The following TEX264 variants were observed in gnomAD, a reference collection of about 807,000 sequenced individuals.
TEX264 encodes the protein testis expressed 264, ER-phagy receptor.
A neutral mutation model predicts 23.4 loss-of-function variants in TEX264; 13 were observed. The ratio of observed to expected loss-of-function variants is 0.56; its 90% CI spans 0.36 to 0.88. The LOEUF is 0.88. TEX264 is among the 40% of genes least tolerant of loss of function. The pLI, the probability that TEX264 is intolerant of heterozygous loss-of-function variation, is 0.01. For missense variants in TEX264, 340 were observed against 406.8 expected, an observed-to-expected ratio of 0.84 and a Z score of 1.41; for synonymous variants, 159 against 170.0, an observed-to-expected ratio of 0.94 and a Z score of 0.50.
chr3:51,682,845 T>C (rs894209855), intron 2 of TEX264: 6 of 152,080 alleles, frequency 3.9e-5, no homozygotes, highest in African/African-American at 1.4e-4. Context: ...CTGCAGACAG[T>C]TGAGGGTGAC....
chr3:51,699,768 C>T (rs1703217503), intron 4 of TEX264, among the ~76,000 whole-genome samples, 194 bp downstream of exon 4: 1 of 152,072 alleles, frequency 6.6e-6, no homozygotes, highest in South Asian at 2.1e-4. Context: ...ACACATGGAT[C>T]TACATAGATG....
chr3:51,682,988 A>G (rs975543322), intron 2 of TEX264: 4 of 152,424 alleles, frequency 2.6e-5, no homozygotes, highest in Non-Finnish European at 5.9e-5. Flanking sequence ...AGGGGATTTC[A>G]GAGAGGGCTT....
At position 51,674,322 on chromosome 3, in the gene TEX264, A is replaced by G. The variant is rs776386397; in HGVS notation, c.18A>G (p.Leu6=). MSDLL[L]LGLIGGLTLL... ...CCAGAGCCATGTCGGACCTGCTACT[A>G]CTGGGCCTGATTGGGGGCCTGACTC... The change falls in exon 2 of 5, where the codon CTA becomes CTG. Residue 6 remains leucine, a synonymous_variant. Transcript: ENST00000341333. 1.5e-5 allele frequency: 24 copies of G among 1,613,964 alleles called. No homozygotes were observed. The highest frequency in any genetic ancestry group is 1.0e-4 in the Admixed American group (6 of 59,998).
chr3:51,684,669 C>G, intron 3 of TEX264, 35 bp downstream of exon 3: 1 of 1,603,578 alleles, frequency 6.2e-7, no homozygotes, highest in South Asian at 1.1e-5. Context: ...GTGTTGGGGA[C>G]AGCCAGGCCC....
chr3:51,694,063 T>TC (rs1559680731), intron 3 of TEX264, among the ~76,000 whole-genome samples: 22 of 110,864 alleles, frequency 2.0e-4, no homozygotes, highest in Non-Finnish European at 2.4e-4. Flanking sequence ...TCCCTTCCCT[T>TC]CCCTTCCCCT....
chr3:51,684,410 C>T lies in TEX264; in HGVS notation c.259-3C>T. 6.2e-7 allele frequency: 1 copy of T among 1,613,604 alleles called. No individual in the cohort carries two copies. Among genetic ancestry groups the T allele is most frequent in the Non-Finnish European group, 8.5e-7 (1 of 1,179,540 alleles). On this transcript the variant is annotated splice_region_variant and splice_polypyrimidine_tract_variant and intron_variant, in intron 2 of 4. Coordinates refer to ENST00000341333, the MANE Select transcript of TEX264 (RefSeq NM_015926.6). ...CTCTCACACCCATGCTTTGCTTCCCCAGGTGCCCCCTGATAAGTGCCGATG... is the reference window on the plus strand; with the variant it reads ...CTCTCACACCCATGCTTTGCTTCCCTAGGTGCCCCCTGATAAGTGCCGATG...
intron 1 of TEX264, 63 bp from the exon 2 acceptor site, chr3:51,674,208 G>A (rs1342269610): frequency 9.6e-6 from 15 of 1,556,898 alleles, no homozygotes; most frequent in Non-Finnish European, 1.0e-5. Context: ...ACTGGTTGGC[G>A]GGCAAGTGGG....
intron 3 of TEX264, among the ~76,000 whole-genome samples, chr3:51,692,537 C>T (rs1375826377): frequency 1.3e-5 from 2 of 152,230 alleles, no homozygotes; most frequent in African/African-American, 4.8e-5. Flanking sequence ...CCCACTTGCC[C>T]ACTTGTCCTT....
At chr3:51,698,165 T>A (rs953098078) in intron 3 of TEX264, among the ~76,000 whole-genome samples, 2 of 152,162 alleles carry the variant, frequency 1.3e-5, no homozygotes, top group Non-Finnish European at 2.9e-5. Flanking sequence ...CACTCCTCTT[T>A]CCCTTTATCA....
chr3:51,703,023 C>T lies in TEX264; in HGVS notation c.650-701C>T, dbSNP rs937785435. On this transcript the variant is annotated intron_variant, in intron 4 of 4. Coordinates refer to ENST00000341333, the MANE Select transcript of TEX264 (RefSeq NM_015926.6). This position sits in a 1 kb window ranked among gnomAD's most constrained non-coding sequence, Gnocchi z 4.8. ...GGGGTGGGTAAGGGTTTCTCAGGGT[C>T]GACCCAGGCATAGGGAGAGAAAACC... Among the ~76,000 whole-genome samples the T allele has an allele frequency of 6.6e-6, 1 of 152,096 alleles. No individual in the cohort carries two copies. Among genetic ancestry groups the T allele is most frequent in the African/African-American group, 2.4e-5 (1 of 41,406 alleles).
intron 3 of TEX264, among the ~76,000 whole-genome samples, chr3:51,695,252 C>T (rs755891764): frequency 2.0e-5 from 3 of 152,100 alleles, no homozygotes; most frequent in African/African-American, 4.8e-5. Flanking sequence ...GGCCCAGGGC[C>T]CCTCAGCCAG....
intron 4 of TEX264, among the ~76,000 whole-genome samples, chr3:51,702,060 G>C (rs2107052610): frequency 6.6e-6 from 1 of 152,282 alleles, no homozygotes; most frequent in African/African-American, 2.4e-5. Flanking sequence ...CTAGGAGCTG[G>C]GTGGTAGGAG....
intron 4 of TEX264, among the ~76,000 whole-genome samples, chr3:51,701,993 A>G (rs1703322413): frequency 6.6e-6 from 1 of 152,172 alleles, no homozygotes; most frequent in Non-Finnish European, 1.5e-5. Context: ...TCATTTCAGC[A>G]GGCTGTCCTG....
Position 51,674,546 on chromosome 3 carries a change from A to G in TEX264, c.242A>G (p.Tyr81Cys), listed in dbSNP as rs1178987730. The G allele has an allele frequency of 6.2e-7, 1 of 1,614,106 alleles. No individual in the cohort carries two copies. Among genetic ancestry groups the G allele is most frequent in the South Asian group, 1.1e-5 (1 of 91,084 alleles). Residue 81 changes from tyrosine (Y) to cysteine (C), a missense_variant, in exon 2 of 5, where the codon TAT becomes TGT. Transcript: ENST00000341333. ...SPKLRSIAVY[Y>C]DNPHMVPPDK... ...AAGCTCCGCTCCATCGCTGTCTACT[A>G]TGACAACCCCCACATGGTAAGGAGT...
chr3:51,673,292 C>G (rs1702115708), intron 1 of TEX264, among the ~76,000 whole-genome samples: 1 of 152,166 alleles, frequency 6.6e-6, no homozygotes, highest in African/African-American at 2.4e-5. Flanking sequence ...GATTTTTCCC[C>G]CCCGCCAGGC....
At position 51,696,515 on chromosome 3, in the gene TEX264, G is replaced by A. The variant is rs184232785; in HGVS notation, c.481-2891G>A. 1.8e-4 allele frequency among the ~76,000 whole-genome samples: 27 copies of A among 152,314 alleles called. No individual in the cohort carries two copies. In the East Asian group the frequency reaches 4.0e-3, roughly 23 times the overall value. On this transcript the variant is annotated intron_variant, in intron 3 of 4. Coordinates refer to ENST00000341333, the MANE Select transcript of TEX264 (RefSeq NM_015926.6). ...CCCATGGTCACCCTGTCTTCCCTCCGAGGTTGCACCTGGCTGGGAGGGAAA... is the reference window on the plus strand; with the variant it reads ...CCCATGGTCACCCTGTCTTCCCTCCAAGGTTGCACCTGGCTGGGAGGGAAA...
At chr3:51,678,210 TC>T (rs1319571002) in intron 2 of TEX264, among the ~76,000 whole-genome samples, 2 of 152,134 alleles carry the variant, frequency 1.3e-5, no homozygotes, top group African/African-American at 4.8e-5. Context: ...GACTTCAGGC[TC>T]CCTTTTGGGG....
chr3:51,680,339 C>T (rs1437573914), intron 2 of TEX264, among the ~76,000 whole-genome samples: 2 of 152,178 alleles, frequency 1.3e-5, no homozygotes, highest in Admixed American at 6.5e-5. Flanking sequence ...TGGCAGGGGC[C>T]CCGAGATGGC....
chr3:51,695,633 T>A (rs1388303269), intron 3 of TEX264, among the ~76,000 whole-genome samples: 1 of 152,236 alleles, frequency 6.6e-6, no homozygotes, highest in Admixed American at 6.5e-5. Flanking sequence ...TGTATCAGTC[T>A]TGCCCTGTTG....
Sources: gnomAD v4.1 joint callset for allele counts (sites outside exome capture counted in the v4.1 genomes callset) on GRCh38, gnomAD v4.1.1 for gene constraint, Gnocchi (gnomAD v3.1) non-coding constraint, MANE v1.5 for transcripts, NCBI Gene and HGNC (gene_info 2026-07-23, HGNC 2026-07-21) for gene names.